Variants in MAN1A2 observed in about 807,000 individuals in gnomAD.
MAN1A2 encodes mannosidase alpha class 1A member 2.
Under a neutral mutation model 75.7 loss-of-function variants are expected in MAN1A2, and 26 were observed. The observed-to-expected ratio is 0.34, with a 90% CI of 0.25 to 0.48. MAN1A2 has a LOEUF of 0.48. MAN1A2 is among the 20% of genes least tolerant of loss of function. The pLI, the probability that MAN1A2 is intolerant of heterozygous loss-of-function variation, is 0.99. For synonymous variants in MAN1A2, 247 were observed against 264.6 expected (o/e 0.93, Z 0.65); for missense variants, 562 against 775.5 (o/e 0.72, Z 3.27).
intron 12 of MAN1A2, among the ~76,000 whole-genome samples, chr1:117,516,292 T>C (rs112358787): frequency 6.6e-6 from 1 of 151,952 alleles, no homozygotes; most frequent in African/African-American, 2.4e-5. Context: ...ACAAATGCAG[T>C]TGGATTGAAG....
intron 3 of MAN1A2, among the ~76,000 whole-genome samples, chr1:117,406,402 C>T (rs1045023801): frequency 9.2e-5 from 14 of 152,112 alleles, no homozygotes; most frequent in Admixed American, 7.9e-4. Flanking sequence ...TAAAAAGTCA[C>T]AAACTAGTTA....
At chr1:117,384,110 T>C (rs1653443116) in intron 1 of MAN1A2, among the ~76,000 whole-genome samples, 1 of 152,208 alleles carries the variant, frequency 6.6e-6, no homozygotes, top group Non-Finnish European at 1.5e-5. Flanking sequence ...TCTATTGTTT[T>C]TCTATTCTCT....
At position 117,420,594 on chromosome 1, in the gene MAN1A2, T is replaced by C; in HGVS notation, c.800T>C (p.Val267Ala). The C allele has an allele frequency of 6.2e-7, 1 of 1,612,916 alleles. No homozygotes were observed. Among genetic ancestry groups the C allele is most frequent in the South Asian group, 1.1e-5 (1 of 91,024 alleles). Residue 267 changes from valine (V) to alanine (A), a missense_variant, in exon 5 of 13, where the codon GTC becomes GCC. Val to Ala is a moderately conservative substitution (Grantham distance 64). Transcript: ENST00000356554. ...AATTCAGAGGTGTCTGTGTTTGAAG[T>C]CAACATTCGATTTATTGGAGGCCTA... ...SVNSEVSVFE[V>A]NIRFIGGLLA...
chr1:117,430,996 T>G, intron 5 of MAN1A2, among the ~76,000 whole-genome samples: 1 of 132,138 alleles, frequency 7.6e-6, no homozygotes, highest in Admixed American at 7.5e-5. Flanking sequence ...TCACTCGCGG[T>G]TAGGGGCTGG....
chr1:117,381,836 T>C (rs61809516), intron 1 of MAN1A2, among the ~76,000 whole-genome samples: 16,163 of 150,420 alleles, frequency 0.11, 964 homozygotes, highest in Non-Finnish European at 0.13. Flanking sequence ...TCCACATCCT[T>C]TCCAGCACCT....
chr1:117,442,538 C>G (rs950889172), intron 6 of MAN1A2, among the ~76,000 whole-genome samples: 15 of 151,970 alleles, frequency 9.9e-5, no homozygotes, highest in African/African-American at 3.4e-4. Flanking sequence ...GGTTAATTGT[C>G]TTAACTTGAT....
chr1:117,516,209 G>A (rs184484526), intron 12 of MAN1A2, among the ~76,000 whole-genome samples: 2 of 152,032 alleles, frequency 1.3e-5, no homozygotes, highest in East Asian at 3.9e-4. Context: ...TATATTCCAG[G>A]TAAACAAATA....
chr1:117,511,674 C>T (rs570240411), intron 12 of MAN1A2, among the ~76,000 whole-genome samples: 1 of 152,116 alleles, frequency 6.6e-6, no homozygotes, highest in East Asian at 1.9e-4. Context: ...ACTCTGATCC[C>T]TCTTTAGTTT....
chr1:117,429,100 A>T (rs1259876303), intron 5 of MAN1A2, among the ~76,000 whole-genome samples: 1 of 147,924 alleles, frequency 6.8e-6, no homozygotes, highest in African/African-American at 2.5e-5. Flanking sequence ...CACATGTTTC[A>T]GGGAGCACAG....
rs749808429 is a variant in MAN1A2, at chr1:117,493,232, G to T, written c.1254G>T (p.Glu418Asp). 6.2e-7 allele frequency: 1 copy of T among 1,611,464 alleles called. No individual in the cohort carries two copies. The highest frequency in any genetic ancestry group is 1.7e-5 in the Admixed American group (1 of 59,896). Residue 418 changes from glutamate to aspartate, a missense_variant, in exon 9 of 13, where the codon GAG (glutamate) becomes GAT (aspartate). Transcript: ENST00000356554. ...TGATGTCAGATAAAACAGACCATGA[G>T]GCAAGAAAGATGTATGATGATGCTA... ...AWLMSDKTDH[E>D]ARKMYDDAIE...
At chr1:117,406,788 G>T (rs999518677) in intron 3 of MAN1A2, among the ~76,000 whole-genome samples, 1 of 152,010 alleles carries the variant, frequency 6.6e-6, no homozygotes, top group Non-Finnish European at 1.5e-5. Flanking sequence ...GTGCAATAAA[G>T]ACATTAAATT....
chr1:117,435,646 T>A (rs1274601240), intron 5 of MAN1A2, among the ~76,000 whole-genome samples: 2 of 152,220 alleles, frequency 1.3e-5, no homozygotes, highest in Non-Finnish European at 2.9e-5. Flanking sequence ...AAAAAAAGGA[T>A]GGAAATACAT....
At chr1:117,469,266 TGAA>T (rs1650067811) in intron 8 of MAN1A2, among the ~76,000 whole-genome samples, 1 of 152,110 alleles carries the variant, frequency 6.6e-6, no homozygotes. Flanking sequence ...TGAAAAATAA[TGAA>T]GTTGAACCCT....
chr1:117,393,313 T>G (rs1011466215), intron 1 of MAN1A2, among the ~76,000 whole-genome samples: 2 of 152,196 alleles, frequency 1.3e-5, no homozygotes, highest in Non-Finnish European at 2.9e-5. Flanking sequence ...GCATTTCTTT[T>G]AGGAAGGTCT....
intron 6 of MAN1A2, among the ~76,000 whole-genome samples, chr1:117,450,193 G>A (rs1226567385): frequency 3.9e-5 from 6 of 152,306 alleles, no homozygotes; most frequent in Admixed American, 2.0e-4. Flanking sequence ...ATGGAAACGA[G>A]GAACTTCTTG....
chr1:117,368,531 G>T, intron 1 of MAN1A2, 46 bp downstream of exon 1: 1 of 1,502,080 alleles, frequency 6.7e-7, no homozygotes, highest in South Asian at 1.3e-5. Flanking sequence ...GGCAGAGCAA[G>T]GTACGGTGAT....
rs138968623 is a variant in MAN1A2 at position 117,476,700 on chromosome 1, G to T, written c.1168+10273G>T. ...TAGCGTTATTTCTGAGGCCTCTGTT[G>T]TGTTTCATTGGTCTATATTTCTGTT... On this transcript the variant is annotated intron_variant, in intron 8 of 12. Coordinates refer to ENST00000356554, the MANE Select transcript of MAN1A2 (RefSeq NM_006699.5). Among the ~76,000 whole-genome samples, 26 of 151,914 alleles carry T rather than the reference G, an allele frequency of 1.7e-4. No homozygotes were observed. In the East Asian group the frequency reaches 4.1e-3, roughly 24 times the overall value.
At chr1:117,466,074 A>G (rs1649970338) in intron 7 of MAN1A2, among the ~76,000 whole-genome samples, 1 of 152,138 alleles carries the variant, frequency 6.6e-6, no homozygotes, top group Non-Finnish European at 1.5e-5. Flanking sequence ...GAGATTTAAA[A>G]TGGTTTCTAT....
chr1:117,502,077 A>G (rs552361894), intron 11 of MAN1A2, among the ~76,000 whole-genome samples: 5 of 151,726 alleles, frequency 3.3e-5, no homozygotes, highest in Non-Finnish European at 5.9e-5. Flanking sequence ...CAAAAAGAGT[A>G]AGAATTTTAA....
Sources: allele counts gnomAD v4.1 joint callset (sites outside exome capture counted in the v4.1 genomes callset), GRCh38; gene constraint gnomAD v4.1.1; transcripts MANE v1.5; gene names NCBI Gene and HGNC (gene_info 2026-07-23, HGNC 2026-07-21).